The following SLC39A8 variants were observed in gnomAD, a reference collection of about 807,000 sequenced individuals.
SLC39A8 encodes solute carrier family 39 member 8.
In SLC39A8, 15 loss-of-function variants were observed where a neutral mutation model predicts 40.4. The observed-to-expected ratio is 0.37, with a 90% confidence interval of 0.25 to 0.57. The LOEUF (loss-of-function observed/expected upper bound fraction) is 0.57. Among genes scored for constraint, SLC39A8 ranks in the 20% least tolerant of loss-of-function variants. SLC39A8 has a pLI of 0.75. For synonymous variants in SLC39A8, 223 were observed against 221.6 expected (o/e 1.01, Z -0.06); for missense variants, 472 against 558.8 (o/e 0.84, Z 1.57).
intron 6 of SLC39A8, among the ~76,000 whole-genome samples, chr4:102,278,357 C>G (rs569446611): frequency 6.6e-6 from 1 of 152,186 alleles, no homozygotes; most frequent in Admixed American, 6.5e-5. Context: ...CAAAAGAAGA[C>G]ATTTATGTGG....
At chr4:102,252,434 TG>T (rs922800832) in exon 12 of SLC39A8, 4 of 152,380 alleles carry the variant, frequency 2.6e-5, no homozygotes, top group African/African-American at 9.6e-5. Context: ...AAGAGACATC[TG>T]GGGACAGGGA....
rs1731878415 is a variant in SLC39A8, at chr4:102,261,934, A to G, written c.*1110T>C. ...TAGACCAATTTTCTCTATCTTCTAA[A>G]TGAGTAAACAGGCTCTGTCTTTTAT... On this transcript the variant is annotated 3_prime_UTR_variant, in exon 9 of 9. Coordinates refer to ENST00000356736, the MANE Select transcript of SLC39A8 (RefSeq NM_001135146.2). The G allele has an allele frequency of 3.0e-6, 3 of 985,830 alleles. No homozygotes were observed. Among genetic ancestry groups the G allele is most frequent in the Non-Finnish European group, 3.6e-6 (3 of 829,924 alleles). The allele number at this position is 985,830 out of a possible 1,614,324, so 61.1% of individuals were successfully genotyped here.
At chr4:102,313,321 A>C (rs1734525644) in intron 3 of SLC39A8, among the ~76,000 whole-genome samples, 3 of 152,154 alleles carry the variant, frequency 2.0e-5, no homozygotes, top group Admixed American at 6.6e-5. Context: ...ATATAGTTGC[A>C]TGAAATTAAT....
In SLC39A8 at chr4:102,263,125, C is replaced by T. The variant is rs751931104; in HGVS notation, c.1302G>A (p.Met434Ile). 15 of 1,613,732 alleles carry T rather than the reference C, an allele frequency of 9.3e-6. No homozygotes were observed. In the South Asian group the frequency reaches 1.5e-4, roughly 17 times the overall value. Reference protein sequence around the residue: ...TGRKTDFTFFMIQNAGMLTGF... With the variant: ...TGRKTDFTFFIIQNAGMLTGF... The stretch of plus-strand genomic sequence containing the variant: ...CAGTTAACATTCCAGCATTCTGAAT[C>T]ATGAAGAAGGTGAAATCGGTTTTTC... The change falls in exon 9 of 9, where the codon ATG (methionine) becomes ATA (isoleucine). Residue 434 changes from methionine (M) to isoleucine (I), a missense_variant. Physicochemically the swap from Met to Ile is conservative, Grantham distance 10 (BLOSUM62 1). Coordinates refer to ENST00000356736, the MANE Select transcript of SLC39A8 (RefSeq NM_001135146.2).
chr4:102,314,016 A>G (rs72692249), intron 3 of SLC39A8, among the ~76,000 whole-genome samples: 7,443 of 151,980 alleles, frequency 0.049, 257 homozygotes, highest in Middle Eastern at 0.13. Flanking sequence ...TGTGTATGTC[A>G]ATGTCTCAAA....
At chr4:102,291,525 C>T (rs189216274) in intron 6 of SLC39A8, among the ~76,000 whole-genome samples, 6 of 152,074 alleles carry the variant, frequency 3.9e-5, no homozygotes, top group South Asian at 2.1e-4. Flanking sequence ...TATTCTCATT[C>T]GTCTGAGCCA....
chr4:102,334,942 G>A (rs1051261480), intron 2 of SLC39A8, among the ~76,000 whole-genome samples: 1 of 152,160 alleles, frequency 6.6e-6, no homozygotes, highest in Non-Finnish European at 1.5e-5. Flanking sequence ...TGAGCAGGAT[G>A]CCTGGAACAC....
intron 2 of SLC39A8, among the ~76,000 whole-genome samples, chr4:102,328,834 GT>G (rs1429667049): frequency 6.6e-6 from 1 of 152,032 alleles, no homozygotes; most frequent in Admixed American, 6.6e-5. Context: ...GACCATCCTG[GT>G]TAACACGGTG....
At chr4:102,265,251 A>C (rs1315126297) in intron 8 of SLC39A8, among the ~76,000 whole-genome samples, 1 of 152,130 alleles carries the variant, frequency 6.6e-6, no homozygotes, top group Non-Finnish European at 1.5e-5. Flanking sequence ...TAATTGGTGT[A>C]ATTTCAACAT....
intron 4 of SLC39A8, among the ~76,000 whole-genome samples, chr4:102,306,916 T>C (rs1449641764): frequency 6.6e-6 from 1 of 152,042 alleles, no homozygotes; most frequent in African/African-American, 2.4e-5. Flanking sequence ...TTATTAGTCC[T>C]CAATTGATAT....
Position 102,309,389 on chromosome 4 carries a change from G to A in SLC39A8, c.383-1784C>T, listed in dbSNP as rs139332956. On this transcript the variant is annotated intron_variant, in intron 3 of 8. Transcript: ENST00000356736. The stretch of plus-strand genomic sequence containing the variant: ...TTCTCCAGACACTTTCCTATCAGTT[G>A]CAGGTCCTGGCCATGCCCTACAACT... Among the ~76,000 whole-genome samples the A allele has an allele frequency of 1.3e-3, 192 of 151,996 alleles. 1 individual carries two copies. The highest frequency in any genetic ancestry group is 4.3e-3 in the African/African-American group (178 of 41,468).
intron 6 of SLC39A8, among the ~76,000 whole-genome samples, chr4:102,297,645 G>A (rs1042174821): frequency 2.0e-5 from 3 of 152,002 alleles, no homozygotes; most frequent in African/African-American, 7.2e-5. Flanking sequence ...GGCCAGATGT[G>A]GTGGCTCACA....
At chr4:102,261,358 T>C (rs1261662635), downstream of SLC39A8, among the ~76,000 whole-genome samples, 4 of 152,196 alleles carry the variant, frequency 2.6e-5, no homozygotes, top group Non-Finnish European at 5.9e-5. Context: ...TCTTCTCAAC[T>C]AGTTCACTTT....
At chr4:102,319,816 T>G (rs1047249216) in intron 2 of SLC39A8, among the ~76,000 whole-genome samples, 2 of 152,082 alleles carry the variant, frequency 1.3e-5, no homozygotes, top group African/African-American at 4.8e-5. Context: ...CTGAGGTGTC[T>G]GCAGGGTGGT....
intron 6 of SLC39A8, among the ~76,000 whole-genome samples, chr4:102,274,474 G>A (rs1732522726): frequency 6.6e-6 from 1 of 152,234 alleles, no homozygotes; most frequent in Non-Finnish European, 1.5e-5. Flanking sequence ...ACCTACGTTT[G>A]ATTGGTGTAC....
At position 102,261,949 on chromosome 4, in the gene SLC39A8, C is replaced by T. The variant is rs1731879010; in HGVS notation, c.*1095G>A. ...TATCTTCTAAATGAGTAAACAGGCT[C>T]TGTCTTTTATAAAAGGTAGAAAAAT... On this transcript the variant is annotated 3_prime_UTR_variant, in exon 9 of 9. Transcript: ENST00000356736. 2 of 985,688 alleles carry T rather than the reference C, an allele frequency of 2.0e-6. No individual in the cohort carries two copies. The highest frequency in any genetic ancestry group is 3.5e-5 in the African/African-American group (2 of 57,200). The allele number at this position is 985,688 out of a possible 1,614,324, so 61.1% of individuals were successfully genotyped here. A position where few individuals can be genotyped will look rare whatever the true frequency, so the allele number is the denominator to read the frequency against.
Position 102,295,786 on chromosome 4 carries a change from A to G in SLC39A8, c.840+8531T>C, listed in dbSNP as rs149521087. Among the ~76,000 whole-genome samples, 498 of 152,228 alleles carry G rather than the reference A, an allele frequency of 3.3e-3. 1 individual carries two copies. The highest frequency in any genetic ancestry group is 5.5e-3 in the Non-Finnish European group (377 of 67,992). ...ATGGAATATACTAGCTGGCCAAATGATTAGCTAACATAAGGAACCAGAACA... is the reference window on the plus strand; with the variant it reads ...ATGGAATATACTAGCTGGCCAAATGGTTAGCTAACATAAGGAACCAGAACA... On this transcript the variant is annotated intron_variant, in intron 6 of 8. Coordinates refer to ENST00000356736, the MANE Select transcript of SLC39A8 (RefSeq NM_001135146.2).
At position 102,315,653 on chromosome 4, in the gene SLC39A8, A is replaced by G. The variant is rs750533079; in HGVS notation, c.382+15T>C. 2 of 1,575,926 alleles carry G rather than the reference A, an allele frequency of 1.3e-6. No individual in the cohort carries two copies. Among genetic ancestry groups the G allele is most frequent in the Non-Finnish European group, 1.7e-6 (2 of 1,163,944 alleles). On this transcript the variant is annotated intron_variant, in intron 3 of 8. Coordinates refer to ENST00000356736, the MANE Select transcript of SLC39A8 (RefSeq NM_001135146.2). The stretch of plus-strand genomic sequence containing the variant: ...AGACTTTTCAAATAAAAGAGAAAAA[A>G]TGCTTCTAATATACCTTCTGAATGA...
chr4:102,341,854 A>C (rs1486171738), intron 2 of SLC39A8, among the ~76,000 whole-genome samples: 1 of 152,260 alleles, frequency 6.6e-6, no homozygotes, highest in African/African-American at 2.4e-5. Flanking sequence ...CACAGCCCTC[A>C]ACCAAAAGAA....
Sources: gnomAD v4.1 joint callset for allele counts (sites outside exome capture counted in the v4.1 genomes callset) on GRCh38, gnomAD v4.1.1 for gene constraint, MANE v1.5 for transcripts, NCBI Gene and HGNC (gene_info 2026-07-23, HGNC 2026-07-21) for gene names.